Variants in OSMR observed in about 807,000 individuals in gnomAD.
OSMR encodes the protein oncostatin-M-specific receptor subunit beta.
A neutral mutation model predicts 99.9 loss-of-function variants in OSMR; 81 were observed. That is an observed-to-expected ratio of 0.81 (90% CI 0.68 to 0.97). The LOEUF (loss-of-function observed/expected upper bound fraction) is 0.97, where lower values mean the gene tolerates loss of function less well. Among genes scored for constraint, OSMR ranks in the 50% least tolerant of loss-of-function variants. The pLI is 0.00. For missense variants in OSMR, 1,099 were observed against 1,153.4 expected (o/e 0.95, Z 0.68); for synonymous variants, 406 against 410.4 (o/e 0.99, Z 0.13).
intron 9 of OSMR, among the ~76,000 whole-genome samples, chr5:38,906,384 G>A (rs1199070916): frequency 6.6e-6 from 1 of 152,020 alleles, no homozygotes; most frequent in South Asian, 2.1e-4. Context: ...GCTTAATGCT[G>A]GAAAACTCAA....
chr5:38,915,333 G>A (rs2112612556), intron 9 of OSMR, among the ~76,000 whole-genome samples: 1 of 152,294 alleles, frequency 6.6e-6, no homozygotes, highest in Non-Finnish European at 1.5e-5. Flanking sequence ...AATGATAGTA[G>A]ACTGGTAAAA....
chr5:38,883,901 ACC>A lies in OSMR; in HGVS notation c.494_495del (p.Thr165AsnfsTer6), dbSNP rs779134626. The A allele has an allele frequency of 6.2e-7, 1 of 1,613,568 alleles. No individual in the cohort carries two copies. Among genetic ancestry groups the A allele is most frequent in the South Asian group, 1.1e-5 (1 of 91,060 alleles). On this transcript the variant is annotated frameshift_variant, in exon 5 of 18. Transcript: ENST00000274276. LOFTEE classifies it high-confidence loss of function. ...GCTGGTGGAAGAAGGCACCAATGTT[ACC>A]ATTTGTTACGTTTCTAGGAACATTC... ...DKLVEEGTNV[T>X]ICYVSRNIQN...
chr5:38,881,013 G>A (rs6867585), intron 3 of OSMR, among the ~76,000 whole-genome samples: 32,145 of 151,926 alleles, frequency 0.21, 3,476 homozygotes, highest in Admixed American at 0.28. Flanking sequence ...GTGTGGCCAT[G>A]TGGCCACCGT....
intron 15 of OSMR, among the ~76,000 whole-genome samples, chr5:38,930,169 TTGG>T (rs1180891424): frequency 2.0e-5 from 3 of 152,352 alleles, no homozygotes; most frequent in African/African-American, 7.2e-5. Context: ...AAATTCTAAA[TTGG>T]TGGAGACCTG....
In OSMR at chr5:38,933,602, C is replaced by G; in HGVS notation, c.*158C>G. On this transcript the variant is annotated 3_prime_UTR_variant, in exon 18 of 18. Transcript: ENST00000274276. ...GTCTGGCTAGGTTAAAGGCCAGAGG[C>G]TATGGAACTTAACACTCCCCATTGG... 1 of 769,664 alleles carries G rather than the reference C, an allele frequency of 1.3e-6. No individual in the cohort carries two copies. The highest frequency in any genetic ancestry group is 2.2e-6 in the Non-Finnish European group (1 of 464,810). 47.7% of individuals were successfully genotyped at this position (769,664 alleles called of 1,614,324 possible).
At chr5:38,919,207 G>T in intron 11 of OSMR, 145 bp downstream of exon 11, 1 of 1,535,288 alleles carries the variant, frequency 6.5e-7, no homozygotes, top group East Asian at 2.5e-5. Context: ...TTTGGGCCAG[G>T]TGTGTCAACG....
chr5:38,892,857 C>G (rs188012000), intron 7 of OSMR, among the ~76,000 whole-genome samples: 1 of 152,020 alleles, frequency 6.6e-6, no homozygotes, highest in African/African-American at 2.4e-5. Flanking sequence ...GAGCTGGTGA[C>G]GCCACCTTAC....
intron 1 of OSMR, among the ~76,000 whole-genome samples, chr5:38,848,238 T>C (rs1177137752): frequency 6.6e-6 from 1 of 152,174 alleles, no homozygotes; most frequent in Non-Finnish European, 1.5e-5. Context: ...AAAATCCTTC[T>C]TGATTGCTTA....
chr5:38,866,086 T>C (rs995765425), intron 1 of OSMR, among the ~76,000 whole-genome samples: 5 of 152,120 alleles, frequency 3.3e-5, no homozygotes, highest in Admixed American at 3.3e-4. Flanking sequence ...GGGAGGCCTG[T>C]CCTCAGGACT....
chr5:38,868,781 ACTGGCACACCATCCTAC>A (rs1444895058), intron 1 of OSMR: 3 of 152,768 alleles, frequency 2.0e-5, no homozygotes, highest in African/African-American at 7.2e-5. Flanking sequence ...GTAGGTAGAA[ACTGGCACACCATCCTAC>A]CTGGCACACT....
intron 1 of OSMR, among the ~76,000 whole-genome samples, chr5:38,855,634 A>T (rs1206027997): frequency 6.6e-6 from 1 of 151,888 alleles, no homozygotes; most frequent in Non-Finnish European, 1.5e-5. Flanking sequence ...CACTGCTTCC[A>T]CGGCTGTCAC....
At chr5:38,847,534 C>G (rs1739957396) in intron 1 of OSMR, among the ~76,000 whole-genome samples, 1 of 152,128 alleles carries the variant, frequency 6.6e-6, no homozygotes, top group Admixed American at 6.5e-5. Flanking sequence ...CTTGCTTTGT[C>G]TCTCTCCTGG....
intron 15 of OSMR, among the ~76,000 whole-genome samples, chr5:38,926,015 A>G (rs1746457306): frequency 6.6e-6 from 1 of 152,178 alleles, no homozygotes; most frequent in Non-Finnish European, 1.5e-5. Context: ...AGGAAGGGAG[A>G]AAAACAGTAA....
In OSMR at chr5:38,925,265, C is replaced by T. The variant is rs988517561; in HGVS notation, c.2106C>T (p.Asp702=). 1.9e-6 allele frequency: 3 copies of T among 1,613,766 alleles called. No homozygotes were observed. Among genetic ancestry groups the T allele is most frequent in the Non-Finnish European group, 1.7e-6 (2 of 1,179,790 alleles). The change falls in exon 15 of 18, where the codon GAC becomes GAT. Residue 702 remains aspartate, a synonymous_variant. Coordinates refer to ENST00000274276, the MANE Select transcript of OSMR (RefSeq NM_003999.3). ...CGGAAGAAAAGGCATTGATTGTGGACAACCTAAAGCCAGAATCCTTCTATG... is the reference window on the plus strand; with the variant it reads ...CGGAAGAAAAGGCATTGATTGTGGATAACCTAAAGCCAGAATCCTTCTATG... ...DNPEEKALIV[D]NLKPESFYEF...
At chr5:38,869,203 C>CT (rs1459784998) in intron 2 of OSMR, 86 bp downstream of exon 2, 2 of 1,009,356 alleles carry the variant, frequency 2.0e-6, no homozygotes, top group Non-Finnish European at 3.2e-6. Context: ...TTAAACAGTT[C>CT]TTTTTTCTTT....
chr5:38,861,570 TC>T (rs1232184962), intron 1 of OSMR, among the ~76,000 whole-genome samples: 1 of 151,892 alleles, frequency 6.6e-6, no homozygotes, highest in African/African-American at 2.4e-5. Flanking sequence ...TCCCCACCTT[TC>T]CCCCCTCTCT....
chr5:38,925,069 T>A, intron 14 of OSMR, 135 bp from the exon 15 acceptor site: 3 of 1,501,728 alleles, frequency 2.0e-6, no homozygotes, highest in Non-Finnish European at 2.7e-6. Context: ...ATGATTTGAT[T>A]TTTGTTTGGT....
rs752210340 is a variant in OSMR at position 38,881,680 on chromosome 5, G to A, written c.334G>A (p.Val112Ile). The part of the protein sequence containing the change: ...ELPLECATHF[V>I]RIKSLVDDAK... ...CCCTTTGGAATGTGCCACACACTTT[G>A]TAAGAATAAAGAGTTTGGTGGACGA... The change falls in exon 4 of 18, where the codon GTA becomes ATA. Residue 112 changes from valine to isoleucine, a missense_variant. Transcript: ENST00000274276. The A allele has an allele frequency of 2.5e-6, 4 of 1,614,244 alleles. No homozygotes were observed. The South Asian group carries it at 4.4e-5, about 18-fold the overall frequency.
In OSMR at chr5:38,876,343, T is replaced by C. The variant is rs1420615670; in HGVS notation, c.216T>C (p.Ser72=). The change falls in exon 3 of 18, where the codon AGT becomes AGC. Residue 72 remains serine (S), a synonymous_variant. Transcript: ENST00000274276. ...ELKMVFQIQI[S]RIETSNVIWV... ...AAATGGTATTTCAGATCCAGATCAG[T>C]AGGATTGAAACATCCAATGTCATCT... is the stretch of plus-strand genomic sequence containing the variant. 1.9e-6 allele frequency: 3 copies of C among 1,613,524 alleles called. No homozygotes were observed. Among genetic ancestry groups the C allele is most frequent in the African/African-American group, 2.7e-5 (2 of 75,040 alleles).
Sources: gnomAD v4.1 joint callset for allele counts (sites outside exome capture counted in the v4.1 genomes callset) on GRCh38, gnomAD v4.1.1 for gene constraint, MANE v1.5 for transcripts, NCBI Gene and HGNC (gene_info 2026-07-23, HGNC 2026-07-21) for gene names.